The following PDE10A variants were observed in gnomAD, a reference collection of about 807,000 sequenced individuals.
PDE10A encodes the protein cAMP and cAMP-inhibited cGMP 3',5'-cyclic phosphodiesterase 10A.
PDE10A carries 39 observed loss-of-function variants against 97.7 expected under a neutral mutation model. The observed-to-expected ratio is 0.40, with a 90% CI of 0.31 to 0.52. The LOEUF is 0.52. Ranked by LOEUF, PDE10A falls within the 20% of genes least tolerant of loss-of-function variation. The pLI, the probability that PDE10A is intolerant of heterozygous loss-of-function variation, is 0.56. For missense variants in PDE10A, 731 were observed against 1,047.8 expected (o/e 0.70, Z 4.17); for synonymous variants, 371 against 376.8 (o/e 0.98, Z 0.18).
At chr6:165,484,394 G>A (rs2128282581) in intron 2 of PDE10A, among the ~76,000 whole-genome samples, 1 of 152,232 alleles carries the variant, frequency 6.6e-6, no homozygotes, top group Admixed American at 6.5e-5. Flanking sequence ...ACTGCTCTCT[G>A]TCACTGCGTT....
intron 13 of PDE10A, among the ~76,000 whole-genome samples, chr6:165,411,086 C>CAAAAAAAAA (rs71026688): frequency 8.8e-4 from 38 of 43,080 alleles, no homozygotes; most frequent in African/African-American, 3.8e-3. Flanking sequence ...GACTCCGCCT[C>CAAAAAAAAA]AAAAAAAAAA....
At chr6:165,763,443 C>A (rs113360532) in intron 1 of PDE10A, among the ~76,000 whole-genome samples, 6 of 152,078 alleles carry the variant, frequency 3.9e-5, no homozygotes, top group Admixed American at 6.5e-5. Context: ...GTGCCTCAGC[C>A]CCCCCAGTAG....
Position 165,343,434 on chromosome 6 carries a change from G to T in PDE10A, c.2852C>A (p.Thr951Lys). The change falls in exon 19 of 22, where the codon ACA becomes AAA. Residue 951 changes from threonine (T) to lysine (K), a missense_variant. This residue lies in a region of PDE10A where 96 missense variants were observed against 156.7 expected (regional missense o/e 0.61). Transcript: ENST00000539869. ...ATATATATCATTTGCCGTCAATTTTGTAACGGGCCACAGTTTTGTCACAGA... is the reference window on the plus strand; with the variant it reads ...ATATATATCATTTGCCGTCAATTTTTTAACGGGCCACAGTTTTGTCACAGA... ...LCSVTKLWPV[T>K]KLTANDIYAE... 6.2e-7 allele frequency: 1 copy of T among 1,613,980 alleles called. No homozygotes were observed. The highest frequency in any genetic ancestry group is 8.5e-7 in the Non-Finnish European group (1 of 1,179,920).
At chr6:165,435,464 A>C in intron 5 of PDE10A, 87 bp from the exon 6 acceptor site, 2 of 1,120,080 alleles carry the variant, frequency 1.8e-6, no homozygotes, top group Non-Finnish European at 2.5e-6. Flanking sequence ...AGTCATAATA[A>C]ATCTGTGAGC....
chr6:165,665,274 G>A, upstream of PDE10A, among the ~76,000 whole-genome samples: 1 of 152,212 alleles, frequency 6.6e-6, no homozygotes, highest in East Asian at 1.9e-4. Flanking sequence ...ACTTTGCTTA[G>A]GTGAAGACTT....
intron 1 of PDE10A, among the ~76,000 whole-genome samples, chr6:165,735,173 T>A (rs966081736): frequency 2.6e-5 from 4 of 151,302 alleles, no homozygotes; most frequent in Non-Finnish European, 5.9e-5. Flanking sequence ...AATAGGGAGA[T>A]GATAGATCAG....
At chr6:165,367,304 T>C (rs1783841140) in intron 18 of PDE10A, among the ~76,000 whole-genome samples, 1 of 143,702 alleles carries the variant, frequency 7.0e-6, no homozygotes, top group Non-Finnish European at 1.5e-5. Flanking sequence ...CAACATGAGG[T>C]TAACTACAGA....
intron 1 of PDE10A, among the ~76,000 whole-genome samples, chr6:165,770,128 A>G (rs763188270): frequency 1.3e-5 from 2 of 151,412 alleles, no homozygotes; most frequent in Non-Finnish European, 2.9e-5. Flanking sequence ...ACCAAATGAA[A>G]ACAAACAAAC....
Position 165,697,450 on chromosome 6 carries a change from A to T in PDE10A, c.-614-153882T>A, listed in dbSNP as rs1388869499. Among the ~76,000 whole-genome samples, 3 of 152,346 alleles carry T rather than the reference A, an allele frequency of 2.0e-5. No individual in the cohort carries two copies. The South Asian group carries it at 6.2e-4, about 32-fold the overall frequency. On this transcript the variant is annotated intron_variant, in intron 1 of 19. Transcript: ENST00000366882. ...AATACCTTTTCAGACAAAGAAAAAC[A>T]TTCCATTTGGTGCTATCTGACCTGT... is the stretch of plus-strand genomic sequence containing the variant.
At chr6:165,908,608 C>G (rs755951036) in intron 1 of PDE10A, among the ~76,000 whole-genome samples, 1 of 152,214 alleles carries the variant, frequency 6.6e-6, no homozygotes, top group Non-Finnish European at 1.5e-5. Context: ...GGAGGTGTCC[C>G]CCTGCCAATT....
chr6:165,794,903 T>C (rs1257969228), intron 1 of PDE10A, among the ~76,000 whole-genome samples: 1 of 152,254 alleles, frequency 6.6e-6, no homozygotes, highest in Non-Finnish European at 1.5e-5. Flanking sequence ...GGACTGTTCA[T>C]GAATAAACAT....
intron 1 of PDE10A, among the ~76,000 whole-genome samples, chr6:165,767,311 T>C (rs1450569191): frequency 1.3e-5 from 2 of 152,216 alleles, no homozygotes; most frequent in African/African-American, 2.4e-5. Context: ...ATAAAATTCA[T>C]CCTTTAAAAG....
intron 2 of PDE10A, among the ~76,000 whole-genome samples, chr6:165,527,984 G>A (rs765474018): frequency 4.0e-4 from 61 of 152,190 alleles, no homozygotes; most frequent in Admixed American, 2.2e-3. Context: ...AGAGGACGGC[G>A]GTGAAGGGTA....
At chr6:165,838,904 C>T (rs1780138798) in intron 1 of PDE10A, among the ~76,000 whole-genome samples, 1 of 152,180 alleles carries the variant, frequency 6.6e-6, no homozygotes, top group African/African-American at 2.4e-5. Flanking sequence ...TTTTCTGGGC[C>T]TGGTTTCCAG....
At chr6:165,543,334 A>G (rs1783562647) in intron 2 of PDE10A, 106 bp downstream of exon 2, 1 of 801,114 alleles carries the variant, frequency 1.2e-6, no homozygotes, top group Non-Finnish European at 1.9e-6. Context: ...TACAGTGTTA[A>G]TATTTGTCTA....
At chr6:165,373,545 C>T (rs1784406209) in intron 18 of PDE10A, among the ~76,000 whole-genome samples, 1 of 152,138 alleles carries the variant, frequency 6.6e-6, no homozygotes, top group South Asian at 2.1e-4. Context: ...CATCTCACAC[C>T]AGTTAGAATG....
chr6:165,933,894 C>T (rs998973041), intron 1 of PDE10A, among the ~76,000 whole-genome samples: 18 of 152,130 alleles, frequency 1.2e-4, no homozygotes, highest in Admixed American at 9.2e-4. Flanking sequence ...GGGCCAACCA[C>T]AGGCACAGCA....
intron 1 of PDE10A, among the ~76,000 whole-genome samples, chr6:165,922,556 C>G (rs1396614502): frequency 6.6e-6 from 1 of 152,142 alleles, no homozygotes; most frequent in African/African-American, 2.4e-5. Context: ...TTCAAAAAAT[C>G]TGGGACAATC....
chr6:165,771,819 T>C (rs1778019506), intron 1 of PDE10A, among the ~76,000 whole-genome samples: 1 of 152,102 alleles, frequency 6.6e-6, no homozygotes, highest in African/African-American at 2.4e-5. Flanking sequence ...CAGCGACATT[T>C]TGGATGAATG....
Sources: allele counts gnomAD v4.1 joint callset (sites outside exome capture counted in the v4.1 genomes callset), GRCh38; gene constraint gnomAD v4.1.1; regional missense constraint gnomAD v4.1.1; transcripts MANE v1.5; gene names NCBI Gene and HGNC (gene_info 2026-07-23, HGNC 2026-07-21).